The following CBFA2T2 variants were observed in gnomAD, a reference collection of about 807,000 sequenced individuals.
The protein encoded by CBFA2T2 is CBFA2/RUNX1 partner transcriptional co-repressor 2.
A neutral mutation model predicts 62.2 loss-of-function variants in CBFA2T2; 11 were observed. That is an observed-to-expected ratio of 0.18 (90% confidence interval 0.11 to 0.29). The LOEUF (loss-of-function observed/expected upper bound fraction) is 0.29. CBFA2T2 is among the 10% of genes least tolerant of loss of function. CBFA2T2 has a pLI of 1.00. For synonymous variants in CBFA2T2, 295 were observed against 287.5 expected (o/e 1.03, Z -0.27); for missense variants, 592 against 774.1 (o/e 0.76, Z 2.79).
At chr20:33,570,754 G>C (rs1441181934) in intron 1 of CBFA2T2, among the ~76,000 whole-genome samples, 4 of 152,132 alleles carry the variant, frequency 2.6e-5, no homozygotes, top group Admixed American at 2.6e-4. Flanking sequence ...AATAGTAAAA[G>C]GAGTTTGCAG....
At chr20:33,562,905 A>G in intron 1 of CBFA2T2, among the ~76,000 whole-genome samples, 1 of 152,196 alleles carries the variant, frequency 6.6e-6, no homozygotes, top group East Asian at 1.9e-4. Flanking sequence ...GGTTTACTTA[A>G]TAATTAGATG....
At chr20:33,499,651 C>CT (rs963628259) in intron 1 of CBFA2T2, among the ~76,000 whole-genome samples, 1 of 152,158 alleles carries the variant, frequency 6.6e-6, no homozygotes, top group Non-Finnish European at 1.5e-5. Flanking sequence ...CCGAGTATGA[C>CT]TTTAAGTCTA....
chr20:33,577,964 T>C (rs1009700681), intron 1 of CBFA2T2, among the ~76,000 whole-genome samples: 5 of 152,312 alleles, frequency 3.3e-5, no homozygotes, highest in South Asian at 2.1e-4. Flanking sequence ...TTTCCTGACT[T>C]GTATTTATCC....
chr20:33,636,854 C>T (rs2122378176), intron 9 of CBFA2T2, 146 bp downstream of exon 9: 1 of 601,354 alleles, frequency 1.7e-6, no homozygotes, highest in Non-Finnish European at 3.0e-6. Context: ...GCCTCTCCTG[C>T]TCTGGCTTGT....
At chr20:33,628,535 C>A in intron 7 of CBFA2T2, 100 bp downstream of exon 7, 2 of 777,266 alleles carry the variant, frequency 2.6e-6, no homozygotes, top group Non-Finnish European at 4.5e-6. Context: ...GTGGTATGAT[C>A]TCAGTTCACT....
intron 1 of CBFA2T2, among the ~76,000 whole-genome samples, chr20:33,503,648 C>T (rs751308954): frequency 8.6e-5 from 13 of 151,682 alleles, no homozygotes; most frequent in Non-Finnish European, 1.5e-4. Flanking sequence ...ATCTTTTTTT[C>T]TTGGTGCTTC....
intron 1 of CBFA2T2, among the ~76,000 whole-genome samples, chr20:33,535,887 C>T (rs2012202553): frequency 6.6e-6 from 1 of 152,014 alleles, no homozygotes; most frequent in African/African-American, 2.4e-5. Context: ...GAGCATGCTG[C>T]CTTCAAGCAT....
intron 1 of CBFA2T2, among the ~76,000 whole-genome samples, chr20:33,602,820 G>A (rs1601045427): frequency 1.3e-5 from 2 of 152,120 alleles, no homozygotes; most frequent in African/African-American, 2.4e-5. Flanking sequence ...TGGTGTGTCC[G>A]AATTGCCAGC....
At chr20:33,503,258 T>C (rs200573563) in intron 1 of CBFA2T2, among the ~76,000 whole-genome samples, 34 of 69,642 alleles carry the variant, frequency 4.9e-4, no homozygotes, top group African/African-American at 1.1e-3. Context: ...TTCTTTCTTT[T>C]TTTTTTTTTT....
chr20:33,578,555 C>T (rs1173831547), intron 1 of CBFA2T2, among the ~76,000 whole-genome samples: 1 of 152,210 alleles, frequency 6.6e-6, no homozygotes, highest in Non-Finnish European at 1.5e-5. Flanking sequence ...ACAAGGCTAG[C>T]ACAACAGCCC....
Position 33,607,015 on chromosome 20 carries a change from TC to T in CBFA2T2, c.96del (p.Arg33AspfsTer13). ...ATCGCCTGTGGAAGTGAAGATACAGTCCAGATCCTCACCTCCCACCATGCCA... is the reference window on the plus strand; with the variant it reads ...ATCGCCTGTGGAAGTGAAGATACAGTCAGATCCTCACCTCCCACCATGCCA... ...PGSPVEVKIQ[S>X]RSSPPTMPPL... is the part of the protein sequence containing the mutation. On this transcript the variant is annotated frameshift_variant, in exon 2 of 11. Transcript: ENST00000342704. LOFTEE classifies it high-confidence loss of function. The T allele has an allele frequency of 6.2e-7, 1 of 1,613,914 alleles. No homozygotes were observed. The highest frequency in any genetic ancestry group is 8.5e-7 in the Non-Finnish European group (1 of 1,179,878).
intron 7 of CBFA2T2, among the ~76,000 whole-genome samples, chr20:33,629,212 C>T (rs1384358826): frequency 2.0e-5 from 3 of 152,146 alleles, no homozygotes; most frequent in African/African-American, 2.4e-5. Flanking sequence ...ACTCATGTTT[C>T]GTAGTTTTAG....
Position 33,592,738 on chromosome 20 carries a change from CTAAG to C in CBFA2T2, c.35-14211_35-14208del, listed in dbSNP as rs761816749. 8.8e-4 allele frequency among the ~76,000 whole-genome samples: 134 copies of C among 151,834 alleles called. 2 individuals are homozygous for C. The highest frequency in any genetic ancestry group is 6.8e-3 in the Middle Eastern group (2 of 294). ...GCAACATTACTTGACACTAGGGAGA[CTAAG>C]TAAGTATGAAGATGGAGTTATATGA... is the stretch of plus-strand genomic sequence containing the variant. On this transcript the variant is annotated intron_variant, in intron 1 of 10. Coordinates refer to ENST00000342704, the MANE Select transcript of CBFA2T2 (RefSeq NM_001032999.3).
intron 1 of CBFA2T2, among the ~76,000 whole-genome samples, chr20:33,550,416 TGGA>T (rs1308013222): frequency 1.3e-5 from 2 of 152,194 alleles, no homozygotes; most frequent in Non-Finnish European, 2.9e-5. Context: ...GGGATTGGCT[TGGA>T]TTCTTTCTAA....
intron 7 of CBFA2T2, among the ~76,000 whole-genome samples, chr20:33,629,482 T>C (rs1455295525): frequency 6.6e-6 from 1 of 152,244 alleles, no homozygotes; most frequent in Non-Finnish European, 1.5e-5. Flanking sequence ...TGAGGTTTTG[T>C]CCAAACACTG....
chr20:33,621,372 C>G (rs1013646648), intron 4 of CBFA2T2, among the ~76,000 whole-genome samples: 1 of 139,588 alleles, frequency 7.2e-6, no homozygotes, highest in Non-Finnish European at 1.5e-5. Context: ...GATCTCGGCT[C>G]TACAACCTCT....
Position 33,544,931 on chromosome 20 carries a change from TGAATAGAATAGAACAGAATAGAATA to T in CBFA2T2, c.34+54644_34+54668del, listed in dbSNP as rs1365728291. ...AATAAATATTTGTTGCATGCATGAGTGAATAGAATAGAACAGAATAGAATAGAATAGAATAGAATAGAATAGAATA... is the reference window on the plus strand; with the variant it reads ...AATAAATATTTGTTGCATGCATGAGTGAATAGAATAGAATAGAATAGAATA... On this transcript the variant is annotated intron_variant, in intron 1 of 10. Transcript: ENST00000342704. Among the ~76,000 whole-genome samples, 11 of 137,074 alleles carry T rather than the reference TGAATAGAATAGAACAGAATAGAATA, an allele frequency of 8.0e-5. No individual in the cohort carries two copies. The East Asian group carries it at 8.1e-4, about 10-fold the overall frequency. 89.9% of individuals were successfully genotyped at this position (137,074 alleles called of 152,430 possible).
At chr20:33,558,824 G>GGA (rs1555835155) in intron 1 of CBFA2T2, among the ~76,000 whole-genome samples, 4 of 136,654 alleles carry the variant, frequency 2.9e-5, no homozygotes, top group African/African-American at 1.3e-4. Flanking sequence ...CCAACTGTTT[G>GGA]GGGGGGCGGC....
rs2011559927 is a variant in CBFA2T2, at chr20:33,514,210, T to TTG, written c.34+23910_34+23911insGT. Among the ~76,000 whole-genome samples, 6 of 119,674 alleles carry TTG rather than the reference T, an allele frequency of 5.0e-5. No homozygotes were observed. In the East Asian group the frequency reaches 1.0e-3, roughly 21 times the overall value. 78.5% of individuals were successfully genotyped at this position (119,674 alleles called of 152,430 possible). On this transcript the variant is annotated intron_variant, in intron 1 of 10. Transcript: ENST00000342704. Reference sequence around the variant, plus strand: ...GAGCCACCGTGCCCTGCCTTTGTTTTTTTTTTTTTTTTTTTTTTTTTTGAG... The same window carrying TTG: ...GAGCCACCGTGCCCTGCCTTTGTTTTTGTTTTTTTTTTTTTTTTTTTTTTGAG...
Sources: allele counts gnomAD v4.1 joint callset (sites outside exome capture counted in the v4.1 genomes callset), GRCh38; gene constraint gnomAD v4.1.1; transcripts MANE v1.5; gene names NCBI Gene and HGNC (gene_info 2026-07-23, HGNC 2026-07-21).